FTCDNL1: variants seen among roughly 807,000 people sequenced by gnomAD.
FTCDNL1 encodes the protein formiminotransferase cyclodeaminase N-terminal like.
A neutral mutation model predicts 5.9 loss-of-function variants in FTCDNL1; 11 were observed. That is an observed-to-expected ratio of 1.87 (90% CI 1.18 to 3.10). FTCDNL1 has a LOEUF of 3.10. FTCDNL1 is among the 30% of genes most tolerant of loss of function. The pLI is 0.00. For synonymous variants in FTCDNL1, 58 were observed against 24.8 expected (o/e 2.34, Z -3.99); for missense variants, 115 against 65.5 (o/e 1.76, Z -2.61).
At chr2:199,776,560 C>T (rs574569667) in intron 3 of FTCDNL1, among the ~76,000 whole-genome samples, 52 of 152,284 alleles carry the variant, frequency 3.4e-4, no homozygotes, top group African/African-American at 1.2e-3. Flanking sequence ...AGGTACCACT[C>T]GGGTCCTCCT....
the FTCDNL1 span, among the ~76,000 whole-genome samples, chr2:199,742,275 T>C: frequency 6.6e-6 from 1 of 152,118 alleles, no homozygotes; most frequent in Non-Finnish European, 1.5e-5. Flanking sequence ...ACTTACACCC[T>C]GCTCCTTCTT....
chr2:199,667,121 G>A, the FTCDNL1 span, among the ~76,000 whole-genome samples: 15 of 152,060 alleles, frequency 9.9e-5, no homozygotes, highest in South Asian at 6.2e-4. Context: ...TTTTTTCTAT[G>A]TAAAAATGAG....
the FTCDNL1 span, among the ~76,000 whole-genome samples, chr2:199,727,960 A>G: frequency 6.6e-6 from 1 of 151,856 alleles, no homozygotes; most frequent in Non-Finnish European, 1.5e-5. Context: ...CCACACTCCC[A>G]TTCCTATTTA....
intron 3 of FTCDNL1, among the ~76,000 whole-genome samples, chr2:199,765,134 G>A (rs1181749777): frequency 6.6e-6 from 1 of 152,096 alleles, no homozygotes; most frequent in Non-Finnish European, 1.5e-5. Flanking sequence ...ATGATTTTTA[G>A]GTAAGTAAAA....
chr2:199,844,336 G>T, intron 3 of FTCDNL1: 1 of 465,306 alleles, frequency 2.1e-6, no homozygotes, highest in South Asian at 3.8e-5. Flanking sequence ...TTGTAAAAAT[G>T]GTTTCCAGTA....
the FTCDNL1 span, among the ~76,000 whole-genome samples, chr2:199,745,414 T>C: frequency 6.6e-6 from 1 of 152,260 alleles, no homozygotes; most frequent in Admixed American, 6.5e-5. Flanking sequence ...GACAGGTTTC[T>C]GTTTTTAACC....
chr2:199,667,094 T>G, the FTCDNL1 span, among the ~76,000 whole-genome samples: 1 of 152,024 alleles, frequency 6.6e-6, no homozygotes, highest in Non-Finnish European at 1.5e-5. Context: ...GAAGATGACA[T>G]TCTATTCCTA....
chr2:199,765,014 G>A (rs1698446107), intron 3 of FTCDNL1, among the ~76,000 whole-genome samples: 2 of 152,148 alleles, frequency 1.3e-5, no homozygotes, highest in Admixed American at 6.6e-5. Flanking sequence ...ACTAGGACCT[G>A]AGTATGTGGG....
chr2:199,815,562 A>G (rs1701301761), intron 4 of FTCDNL1, among the ~76,000 whole-genome samples: 1 of 152,210 alleles, frequency 6.6e-6, no homozygotes, highest in African/African-American at 2.4e-5. Flanking sequence ...AAGTTAGAAA[A>G]ATATATAAAG....
At chr2:199,707,152 G>A in the FTCDNL1 span, among the ~76,000 whole-genome samples, 13 of 152,222 alleles carry the variant, frequency 8.5e-5, no homozygotes, top group Middle Eastern at 6.9e-3. Context: ...CATGTTATTC[G>A]ACTCCTAGAT....
chr2:199,715,593 G>A, the FTCDNL1 span, among the ~76,000 whole-genome samples: 1 of 152,030 alleles, frequency 6.6e-6, no homozygotes, highest in African/African-American at 2.4e-5. Flanking sequence ...CCCAGTCTCG[G>A]GTATTTCTTT....
Position 199,812,426 on chromosome 2 carries a change from G to A in FTCDNL1, c.*279C>T. 5.5e-6 allele frequency: 2 copies of A among 362,426 alleles called. No individual in the cohort carries two copies. Among genetic ancestry groups the A allele is most frequent in the Non-Finnish European group, 9.8e-6 (2 of 204,884 alleles). 22.5% of individuals were successfully genotyped at this position (362,426 alleles called of 1,614,324 possible). A position where few individuals can be genotyped will look rare whatever the true frequency, so the allele number is the denominator to read the frequency against. On this transcript the variant is annotated 3_prime_UTR_variant, in exon 5 of 5. Transcript: ENST00000420128. ...GCAGTCCCATTGACCTTATTTAAAT[G>A]CTGAATTTGATTTTTTATGTTAATT...
chr2:199,667,875 G>T, the FTCDNL1 span, among the ~76,000 whole-genome samples: 3 of 152,160 alleles, frequency 2.0e-5, no homozygotes, highest in Non-Finnish European at 4.4e-5. Context: ...TATGAGAGTG[G>T]CAAGAGAAGA....
intron 4 of FTCDNL1, among the ~76,000 whole-genome samples, chr2:199,813,966 T>A (rs988963141): frequency 6.9e-6 from 1 of 145,116 alleles, no homozygotes; most frequent in African/African-American, 2.6e-5. Flanking sequence ...GAAAACCTGG[T>A]GAGTGCCAGG....
the FTCDNL1 span, among the ~76,000 whole-genome samples, chr2:199,721,366 C>T: frequency 6.6e-6 from 1 of 152,120 alleles, no homozygotes; most frequent in Non-Finnish European, 1.5e-5. Context: ...TGAGAACATG[C>T]AGTGTTCGGT....
chr2:199,784,682 G>A (rs539911475), intron 3 of FTCDNL1, among the ~76,000 whole-genome samples: 2 of 152,322 alleles, frequency 1.3e-5, no homozygotes, highest in South Asian at 4.1e-4. Flanking sequence ...CCCAATTGAG[G>A]CGGGACTTTG....
intron 2 of FTCDNL1, 100 bp downstream of exon 2, chr2:199,848,748 A>G: frequency 1.7e-6 from 1 of 586,456 alleles, no homozygotes; most frequent in Non-Finnish European, 3.0e-6. Flanking sequence ...TTCAGGAAGA[A>G]AGAAAGAAAA....
At chr2:199,790,987 G>A (rs1699897091) in intron 3 of FTCDNL1, among the ~76,000 whole-genome samples, 1 of 151,958 alleles carries the variant, frequency 6.6e-6, no homozygotes, top group East Asian at 1.9e-4. Context: ...TGGCAAGTGT[G>A]GACATAGGTA....
chr2:199,684,719 G>C, the FTCDNL1 span, among the ~76,000 whole-genome samples: 6 of 152,188 alleles, frequency 3.9e-5, no homozygotes, highest in Non-Finnish European at 8.8e-5. Flanking sequence ...TGGCAGAGGG[G>C]AGTGTGTTAC....
Sources: gnomAD v4.1 joint callset for allele counts (sites outside exome capture counted in the v4.1 genomes callset) on GRCh38, gnomAD v4.1.1 for gene constraint, MANE v1.5 for transcripts, NCBI Gene and HGNC (gene_info 2026-07-23, HGNC 2026-07-21) for gene names.